The following MMP26 variants were observed in gnomAD, a reference collection of about 807,000 sequenced individuals.
MMP26 encodes matrix metallopeptidase 26.
A neutral mutation model predicts 31.0 loss-of-function variants in MMP26; 33 were observed. The observed-to-expected ratio is 1.06, with a 90% CI of 0.81 to 1.42. MMP26 has a LOEUF of 1.42. Ranked by LOEUF, MMP26 falls within the 40% of genes most tolerant of loss-of-function variation. The pLI, the probability that MMP26 is intolerant of heterozygous loss-of-function variation, is 0.00. For synonymous variants in MMP26, 122 were observed against 114.9 expected, an observed-to-expected ratio of 1.06 and a Z score of -0.40; for missense variants, 347 against 316.1, an observed-to-expected ratio of 1.10 and a Z score of -0.74.
chr11:4,882,445 C>T (rs868418876), intron 2 of MMP26: 1 of 1,613,984 alleles, frequency 6.2e-7, no homozygotes, highest in Non-Finnish European at 8.5e-7. Context: ...CATTTTGCTA[C>T]CACCCAGAAG....
chr11:4,932,078 A>G (rs1050608817), intron 2 of MMP26, among the ~76,000 whole-genome samples: 3 of 152,112 alleles, frequency 2.0e-5, no homozygotes, highest in Admixed American at 6.6e-5. Context: ...CTTACTACAA[A>G]CAACTCCCGA....
At chr11:4,809,917 G>A (rs1428395084) in intron 2 of MMP26, among the ~76,000 whole-genome samples, 2 of 152,092 alleles carry the variant, frequency 1.3e-5, no homozygotes, top group Admixed American at 6.6e-5. Flanking sequence ...CCTCTACTCT[G>A]TCTTTAACCA....
At position 4,949,882 on chromosome 11, in the gene MMP26, G is replaced by A. The variant is rs146714633; in HGVS notation, c.-144-38186G>A. On this transcript the variant is annotated intron_variant, in intron 2 of 7. Coordinates refer to ENST00000380390, the MANE Select transcript of MMP26 (RefSeq NM_021801.5). Reference sequence around the variant, plus strand: ...ACTAATGTATGTATACCCATTTCAGGGTATACATACCCATTTCAGGTACCC... The same window carrying A: ...ACTAATGTATGTATACCCATTTCAGAGTATACATACCCATTTCAGGTACCC... Among the ~76,000 whole-genome samples the A allele has an allele frequency of 4.9e-5, 6 of 121,618 alleles. No individual in the cohort carries two copies. The South Asian group carries it at 9.8e-4, about 20-fold the overall frequency. The allele number at this position is 121,618 out of a possible 152,430, so 79.8% of individuals were successfully genotyped here.
chr11:4,882,379 C>T, intron 2 of MMP26: 2 of 1,613,864 alleles, frequency 1.2e-6, no homozygotes, highest in Non-Finnish European at 8.5e-7. Flanking sequence ...TCTTACTTCC[C>T]CTTCTTGTAG....
intron 2 of MMP26, among the ~76,000 whole-genome samples, chr11:4,966,217 C>T (rs1846592610): frequency 6.6e-6 from 1 of 152,072 alleles, no homozygotes; most frequent in African/African-American, 2.4e-5. Context: ...TTAGACTCAA[C>T]AAATACAGAA....
intron 2 of MMP26, chr11:4,848,837 G>A (rs145177947): frequency 3.7e-6 from 6 of 1,614,016 alleles, no homozygotes; most frequent in East Asian, 4.5e-5. Flanking sequence ...TGGACATGGC[G>A]AGCAAGACAG....
chr11:4,893,910 G>A (rs1850664434), intron 2 of MMP26, among the ~76,000 whole-genome samples: 1 of 151,290 alleles, frequency 6.6e-6, no homozygotes, highest in Admixed American at 6.6e-5. Flanking sequence ...GACTAGCCTG[G>A]GCAATATAGG....
At chr11:4,833,563 A>C (rs1434891027) in intron 2 of MMP26, among the ~76,000 whole-genome samples, 1 of 152,204 alleles carries the variant, frequency 6.6e-6, no homozygotes, top group African/African-American at 2.4e-5. Flanking sequence ...TGGTCTGCTG[A>C]CTGACAGCAA....
intron 2 of MMP26, chr11:4,803,844 C>A: frequency 6.2e-7 from 1 of 1,612,848 alleles, no homozygotes; most frequent in South Asian, 1.1e-5. Flanking sequence ...CACAGTATGA[C>A]TGGGGAATGG....
intron 2 of MMP26, among the ~76,000 whole-genome samples, chr11:4,858,085 A>G (rs951119478): frequency 1.3e-5 from 2 of 152,186 alleles, no homozygotes; most frequent in Non-Finnish European, 2.9e-5. Context: ...TCAAAATAAT[A>G]AGAGCTATTT....
intron 2 of MMP26, among the ~76,000 whole-genome samples, chr11:4,912,095 G>A (rs1218829011): frequency 2.6e-5 from 4 of 152,076 alleles, no homozygotes; most frequent in Non-Finnish European, 4.4e-5. Flanking sequence ...GTGTTATTAT[G>A]TTTATGTTTT....
In MMP26 at chr11:4,819,504, A is replaced by G. The variant is rs548511395; in HGVS notation, c.-145+52163A>G. On this transcript the variant is annotated intron_variant, in intron 2 of 7. Transcript: ENST00000380390. ...AAATAATGAGGGAGAGAAAATTTCCAGAATCATCAACAAAATATGTATTGT... is the reference window on the plus strand; with the variant it reads ...AAATAATGAGGGAGAGAAAATTTCCGGAATCATCAACAAAATATGTATTGT... 8.0e-5 allele frequency among the ~76,000 whole-genome samples: 12 copies of G among 150,716 alleles called. 1 individual carries two copies. The South Asian group carries it at 2.1e-3, about 27-fold the overall frequency.
chr11:4,846,107 T>A (rs1158888173), intron 2 of MMP26, among the ~76,000 whole-genome samples: 1 of 152,200 alleles, frequency 6.6e-6, no homozygotes, highest in Non-Finnish European at 1.5e-5. Flanking sequence ...CACTCCCATG[T>A]TTGCTGCAGC....
intron 2 of MMP26, chr11:4,890,076 G>A (rs1262241039): frequency 6.6e-6 from 1 of 152,666 alleles, no homozygotes; most frequent in African/African-American, 2.4e-5. Flanking sequence ...AGTACTAACA[G>A]CATGAGTTAG....
chr11:4,706,946 G>A (rs1847788628), intron 1 of MMP26, among the ~76,000 whole-genome samples: 1 of 152,164 alleles, frequency 6.6e-6, no homozygotes, highest in African/African-American at 2.4e-5. Flanking sequence ...TCTATTACAT[G>A]TATGTCTTGT....
intron 2 of MMP26, among the ~76,000 whole-genome samples, chr11:4,770,133 G>A (rs1010845900): frequency 3.3e-5 from 5 of 152,038 alleles, no homozygotes; most frequent in African/African-American, 1.2e-4. Flanking sequence ...ATATGTTTTT[G>A]TACCATAAAA....
chr11:4,754,893 A>C (rs931693941), intron 1 of MMP26, among the ~76,000 whole-genome samples: 1 of 151,988 alleles, frequency 6.6e-6, no homozygotes, highest in Non-Finnish European at 1.5e-5. Flanking sequence ...ACACAATATG[A>C]TTGCATCTAA....
At chr11:4,710,323 T>C (rs1222295740) in intron 1 of MMP26, 1 of 456,774 alleles carries the variant, frequency 2.2e-6, no homozygotes, top group African/African-American at 2.0e-5. Context: ...GCAGTTGCCA[T>C]CTTCTACATC....
chr11:4,907,332 G>A (rs751220231), intron 2 of MMP26: 7 of 1,396,524 alleles, frequency 5.0e-6, no homozygotes, highest in Non-Finnish European at 6.0e-6. Context: ...CATTTATATG[G>A]TTTCAGATCC....
Sources: allele counts gnomAD v4.1 joint callset (sites outside exome capture counted in the v4.1 genomes callset), GRCh38; gene constraint gnomAD v4.1.1; transcripts MANE v1.5; gene names NCBI Gene and HGNC (gene_info 2026-07-23, HGNC 2026-07-21).